The following ERBIN variants were observed in gnomAD, a reference collection of about 807,000 sequenced individuals.
ERBIN encodes erbb2 interacting protein, also known as densin-180-like protein.
In ERBIN, 60 loss-of-function variants were observed where a neutral mutation model predicts 158.4. That is an observed-to-expected ratio of 0.38 (90% CI 0.31 to 0.47). The LOEUF (loss-of-function observed/expected upper bound fraction) is 0.47. Ranked by LOEUF, ERBIN falls within the 20% of genes least tolerant of loss-of-function variation. The pLI, the probability that ERBIN is intolerant of heterozygous loss-of-function variation, is 0.99. For missense variants in ERBIN, 1,610 were observed against 1,648.0 expected (o/e 0.98, Z 0.40); for synonymous variants, 594 against 557.2 (o/e 1.07, Z -0.93).
chr5:66,076,682 C>A, intron 24 of ERBIN, 193 bp from the exon 25 acceptor site: 1 of 604,530 alleles, frequency 1.7e-6, no homozygotes, highest in Non-Finnish European at 2.9e-6. Context: ...TTATTACTCT[C>A]AAGAGAAATC....
intron 21 of ERBIN, among the ~76,000 whole-genome samples, chr5:66,065,474 T>TTTTACCTTTGTTCTTCC (rs1760875487): frequency 6.6e-6 from 1 of 152,150 alleles, no homozygotes; most frequent in Admixed American, 6.5e-5. Flanking sequence ...TGTACCTAGA[T>TTTTACCTTTGTTCTTCC]TTTACCTTTG....
chr5:65,979,039 G>A lies in ERBIN; in HGVS notation c.-57-9596G>A, dbSNP rs964438761. Among the ~76,000 whole-genome samples, 9 of 152,316 alleles carry A rather than the reference G, an allele frequency of 5.9e-5. No homozygotes were observed. The East Asian group carries it at 1.7e-3, about 29-fold the overall frequency. On this transcript the variant is annotated intron_variant, in intron 1 of 25. Coordinates refer to ENST00000284037, the MANE Select transcript of ERBIN (RefSeq NM_001253697.2). ...TGAATTGAGTCTAATTAAAGCTGCTGCCAGCTCAAATGGACTCTACTAGAA... is the reference window on the plus strand; with the variant it reads ...TGAATTGAGTCTAATTAAAGCTGCTACCAGCTCAAATGGACTCTACTAGAA...
At chr5:65,987,557 GTC>G (rs1346408797) in intron 1 of ERBIN, among the ~76,000 whole-genome samples, 1 of 151,738 alleles carries the variant, frequency 6.6e-6, no homozygotes, top group African/African-American at 2.4e-5. Context: ...GCAAGACCCT[GTC>G]TCAAAAAAAA....
At chr5:66,003,837 TC>T (rs1222582610) in intron 4 of ERBIN, among the ~76,000 whole-genome samples, 2 of 152,094 alleles carry the variant, frequency 1.3e-5, no homozygotes, top group African/African-American at 4.8e-5. Flanking sequence ...GAGAGAGAGT[TC>T]TTCTGTAACT....
At chr5:66,029,957 G>T (rs1257957861) in intron 14 of ERBIN, among the ~76,000 whole-genome samples, 1 of 152,074 alleles carries the variant, frequency 6.6e-6, no homozygotes, top group Non-Finnish European at 1.5e-5. Context: ...TTAATCCATG[G>T]TTATGAATAA....
At chr5:66,048,431 G>T (rs1244634723) in intron 18 of ERBIN, among the ~76,000 whole-genome samples, 1 of 151,856 alleles carries the variant, frequency 6.6e-6, no homozygotes, top group Non-Finnish European at 1.5e-5. Context: ...ATAAAAAAGG[G>T]AATAGAGGAG....
chr5:66,006,021 T>C (rs1753553044), intron 4 of ERBIN, among the ~76,000 whole-genome samples: 1 of 152,148 alleles, frequency 6.6e-6, no homozygotes. Flanking sequence ...CCAATGACTT[T>C]CTTCACAGAA....
intron 14 of ERBIN, among the ~76,000 whole-genome samples, chr5:66,036,491 T>C (rs907949427): frequency 1.3e-5 from 2 of 152,198 alleles, no homozygotes; most frequent in Non-Finnish European, 2.9e-5. Context: ...CCTTAGACTT[T>C]CTTTCAGGAA....
intron 11 of ERBIN, 49 bp downstream of exon 11, chr5:66,025,601 C>A: frequency 7.5e-7 from 1 of 1,342,070 alleles, no homozygotes; most frequent in South Asian, 1.2e-5. Flanking sequence ...ACTTTCAGTT[C>A]AGCATGCCAT....
chr5:66,055,604 A>G (rs1444558145), intron 21 of ERBIN, among the ~76,000 whole-genome samples: 1 of 152,142 alleles, frequency 6.6e-6, no homozygotes, highest in African/African-American at 2.4e-5. Flanking sequence ...AAAAATGTAG[A>G]TACAGATATA....
intron 1 of ERBIN, among the ~76,000 whole-genome samples, chr5:65,985,967 CTT>C (rs1302182007): frequency 2.0e-5 from 3 of 151,882 alleles, no homozygotes; most frequent in Non-Finnish European, 4.4e-5. Flanking sequence ...GAATATCACA[CTT>C]TTTCTCTTGG....
At chr5:66,060,989 T>G (rs922763157) in intron 21 of ERBIN, among the ~76,000 whole-genome samples, 1 of 152,128 alleles carries the variant, frequency 6.6e-6, no homozygotes, top group Non-Finnish European at 1.5e-5. Context: ...TTGGAATAGG[T>G]GTGGTGTGGT....
At position 66,013,043 on chromosome 5, in the gene ERBIN, A is replaced by G. The variant is rs193000041; in HGVS notation, c.387-506A>G. ...ACATTTTTGGTTTTCACAGTGGGGT[A>G]TTTGTGTGCATGCATGCACACTATT... On this transcript the variant is annotated intron_variant, in intron 5 of 25. Transcript: ENST00000284037. Among the ~76,000 whole-genome samples the G allele has an allele frequency of 1.3e-3, 194 of 152,224 alleles. 2 individuals carry two copies. Among genetic ancestry groups the G allele is most frequent in the Non-Finnish European group, 2.2e-3 (151 of 67,990 alleles).
chr5:66,062,601 G>A (rs1760533383), intron 21 of ERBIN, among the ~76,000 whole-genome samples: 1 of 152,204 alleles, frequency 6.6e-6, no homozygotes, highest in African/African-American at 2.4e-5. Flanking sequence ...GCGTTCCTCT[G>A]GAGGAGGAGA....
chr5:65,977,357 A>G (rs1285280302), intron 1 of ERBIN, among the ~76,000 whole-genome samples: 1 of 149,402 alleles, frequency 6.7e-6, no homozygotes. Flanking sequence ...CTCACTTCCC[A>G]GACGGGGTGG....
intron 14 of ERBIN, among the ~76,000 whole-genome samples, chr5:66,029,888 C>T (rs1292100941): frequency 1.3e-5 from 2 of 152,256 alleles, no homozygotes; most frequent in East Asian, 3.9e-4. Flanking sequence ...CCACACCCTG[C>T]CTTGGGGTCC....
At chr5:66,065,591 C>G (rs961021822) in intron 21 of ERBIN, among the ~76,000 whole-genome samples, 11 of 109,396 alleles carry the variant, frequency 1.0e-4, no homozygotes, top group Middle Eastern at 4.8e-3. Context: ...TAATTTTGAC[C>G]TGTGTGTGTG....
rs775552585 is a variant in ERBIN, at chr5:66,054,138, A to G, written c.2820A>G (p.Thr940=). ...SSSSSDLISG[T]KAIFKFDSNH... is the part of the protein sequence containing the mutation. The stretch of plus-strand genomic sequence containing the variant: ...CATCTTCTGATTTAATATCAGGAAC[A>G]AAGGCAATTTTCAAGTTTGATTCAA... The change falls in exon 21 of 26, where the codon ACA becomes ACG. Residue 940 remains threonine, a synonymous_variant. Transcript: ENST00000284037. The G allele has an allele frequency of 1.2e-6, 2 of 1,614,188 alleles. No individual in the cohort carries two copies. Among genetic ancestry groups the G allele is most frequent in the Non-Finnish European group, 1.7e-6 (2 of 1,180,042 alleles).
intron 1 of ERBIN, among the ~76,000 whole-genome samples, chr5:65,983,775 C>T (rs555326147): frequency 9.2e-5 from 14 of 152,238 alleles, no homozygotes; most frequent in East Asian, 3.9e-4. Context: ...AAAGCTTCTC[C>T]GCATCTCAGG....
Sources: allele counts gnomAD v4.1 joint callset (sites outside exome capture counted in the v4.1 genomes callset), GRCh38; gene constraint gnomAD v4.1.1; transcripts MANE v1.5; gene names NCBI Gene and HGNC (gene_info 2026-07-23, HGNC 2026-07-21).